Variants in SHTN1 observed in about 807,000 individuals in gnomAD.
The protein encoded by SHTN1 is shootin-1.
SHTN1 carries 42 observed loss-of-function variants against 83.1 expected under a neutral mutation model. That is an observed-to-expected ratio of 0.51 (90% CI 0.39 to 0.65). The LOEUF (loss-of-function observed/expected upper bound fraction) is 0.65. Ranked by LOEUF, SHTN1 falls within the 30% of genes least tolerant of loss-of-function variation. The pLI is 0.00. For synonymous variants in SHTN1, 224 were observed against 247.7 expected, an observed-to-expected ratio of 0.90 and a Z score of 0.90; for missense variants, 622 against 737.8, an observed-to-expected ratio of 0.84 and a Z score of 1.82.
At chr10:116,902,087 T>C (rs1379822380) in intron 15 of SHTN1, 130 bp from the exon 16 acceptor site, 1 of 768,544 alleles carries the variant, frequency 1.3e-6, no homozygotes, top group African/African-American at 1.8e-5. Flanking sequence ...TTCAAGAGCA[T>C]GCTGGAAAAT....
rs1309727410 is a variant in SHTN1 at position 116,881,565 on chromosome 10, G to C, written c.*4779C>G. On this transcript the variant is annotated 3_prime_UTR_variant, in exon 17 of 17. Transcript: ENST00000355371. ...TTACTTTAATGAGGAAGCTGAAAAGGCTGCGGAGGCACTTGAGGCTGCTGC... is the reference window on the plus strand; with the variant it reads ...TTACTTTAATGAGGAAGCTGAAAAGCCTGCGGAGGCACTTGAGGCTGCTGC... 1.3e-6 allele frequency: 2 copies of C among 1,550,162 alleles called. No individual in the cohort carries two copies. The highest frequency in any genetic ancestry group is 1.7e-6 in the Non-Finnish European group (2 of 1,146,832).
At chr10:116,946,947 C>G (rs1347739980) in intron 7 of SHTN1, among the ~76,000 whole-genome samples, 1 of 151,898 alleles carries the variant, frequency 6.6e-6, no homozygotes, top group South Asian at 2.1e-4. Context: ...TCTCAAACTC[C>G]TGATCTCAAG....
intron 1 of SHTN1, among the ~76,000 whole-genome samples, chr10:116,994,111 G>C (rs1195411221): frequency 6.6e-6 from 1 of 152,008 alleles, no homozygotes; most frequent in Non-Finnish European, 1.5e-5. Flanking sequence ...AAGGCTACTA[G>C]AAATAAGAGG....
chr10:116,970,541 C>T (rs1850578775), intron 2 of SHTN1, among the ~76,000 whole-genome samples: 3 of 152,088 alleles, frequency 2.0e-5, no homozygotes, highest in South Asian at 4.2e-4. Context: ...TGGTGAAACC[C>T]CATCTCTACT....
intron 10 of SHTN1, among the ~76,000 whole-genome samples, chr10:116,928,442 G>C (rs533455480): frequency 6.6e-6 from 1 of 152,118 alleles, no homozygotes; most frequent in Non-Finnish European, 1.5e-5. Flanking sequence ...GAAATGTATC[G>C]TATTCCTTCA....
intron 15 of SHTN1, among the ~76,000 whole-genome samples, chr10:116,904,939 C>A (rs529306950): frequency 1.3e-5 from 2 of 151,920 alleles, no homozygotes; most frequent in African/African-American, 2.4e-5. Context: ...CGGTGGCTCA[C>A]GCCTGTAATC....
intron 2 of SHTN1, among the ~76,000 whole-genome samples, chr10:116,975,849 A>G (rs920008631): frequency 6.6e-6 from 1 of 152,236 alleles, no homozygotes; most frequent in Admixed American, 6.5e-5. Context: ...ATGTTTTGAC[A>G]TAAGATTGAT....
At chr10:117,106,342 C>G (rs925000977) in intron 1 of SHTN1, among the ~76,000 whole-genome samples, 5 of 151,924 alleles carry the variant, frequency 3.3e-5, no homozygotes, top group Non-Finnish European at 5.9e-5. Context: ...GTAGTCCCAG[C>G]TACTCGTGAG....
At chr10:117,008,249 G>A (rs180771284), upstream of SHTN1, among the ~76,000 whole-genome samples, 7 of 152,138 alleles carry the variant, frequency 4.6e-5, no homozygotes, top group Admixed American at 2.0e-4. Context: ...AGGTGTGGGG[G>A]TTGGAGTGTG....
At position 117,018,507 on chromosome 10, in the gene SHTN1, TAA is replaced by T. The variant is rs749150327; in HGVS notation, c.-123+29936_-123+29937del. 4.2e-3 allele frequency among the ~76,000 whole-genome samples: 544 copies of T among 129,474 alleles called. 3 individuals are homozygous for T. Among genetic ancestry groups the T allele is most frequent in the South Asian group, 0.024 (94 of 3,892 alleles). 84.9% of individuals were successfully genotyped at this position (129,474 alleles called of 152,430 possible). ...ATAAAGGGTGTATGTGTATTTTTTT[TAA>T]AAAAAAAAAAAAAAGGAAAATATTT... On this transcript the variant is annotated intron_variant, in intron 2 of 17. Coordinates refer to the SHTN1 transcript ENST00000392901.
At chr10:116,898,858 A>AT in intron 16 of SHTN1, among the ~76,000 whole-genome samples, 1 of 152,298 alleles carries the variant, frequency 6.6e-6, no homozygotes, top group Admixed American at 6.5e-5. Context: ...TTGCTTTCTT[A>AT]TAAGTCCCTA....
chr10:117,022,246 T>TA (rs1316917197), intron 2 of SHTN1, among the ~76,000 whole-genome samples: 9 of 152,344 alleles, frequency 5.9e-5, no homozygotes, highest in Admixed American at 5.9e-4. Flanking sequence ...TTTGAGACTG[T>TA]GCAGTTCAAC....
intron 2 of SHTN1, among the ~76,000 whole-genome samples, chr10:117,027,358 G>T (rs7085319): frequency 0.91 from 138,423 of 152,086 alleles, 64,379 homozygotes; most frequent in Non-Finnish European, 1. Flanking sequence ...TGTGGCCACA[G>T]GAAGTGCCAG....
At chr10:117,085,918 A>AT (rs35586223) in intron 1 of SHTN1, among the ~76,000 whole-genome samples, 95,566 of 120,992 alleles carry the variant, frequency 0.79, 40,548 homozygotes, top group Non-Finnish European at 0.92. Flanking sequence ...GCTTTGTCTG[A>AT]TTTTTTTTTT....
chr10:117,111,714 A>G (rs1853770499), intron 1 of SHTN1, among the ~76,000 whole-genome samples: 1 of 151,924 alleles, frequency 6.6e-6, no homozygotes, highest in Non-Finnish European at 1.5e-5. Context: ...TCAAACCCCA[A>G]TTCTTATCCT....
At chr10:116,968,934 TAA>T (rs1589853880) in intron 2 of SHTN1, among the ~76,000 whole-genome samples, 2 of 152,218 alleles carry the variant, frequency 1.3e-5, no homozygotes, top group East Asian at 3.8e-4. Flanking sequence ...TTCTAAGATA[TAA>T]GTCACCTTCC....
intron 1 of SHTN1, among the ~76,000 whole-genome samples, chr10:117,076,780 C>T (rs745633238): frequency 2.6e-5 from 4 of 152,140 alleles, no homozygotes; most frequent in Non-Finnish European, 4.4e-5. Context: ...AAATATGCCT[C>T]GCACTAATTT....
At chr10:116,889,542 C>T (rs1485821192) in intron 16 of SHTN1, among the ~76,000 whole-genome samples, 3 of 152,126 alleles carry the variant, frequency 2.0e-5, no homozygotes, top group African/African-American at 4.8e-5. Context: ...CTAGGGCAAT[C>T]GTCTAGTCTG....
intron 2 of SHTN1, among the ~76,000 whole-genome samples, chr10:117,045,075 G>T (rs1369158121): frequency 6.6e-6 from 1 of 152,136 alleles, no homozygotes; most frequent in Non-Finnish European, 1.5e-5. Context: ...GAGTATTAGT[G>T]CCAAGCCTTT....
Sources: allele counts gnomAD v4.1 joint callset (sites outside exome capture counted in the v4.1 genomes callset), GRCh38; gene constraint gnomAD v4.1.1; transcripts MANE v1.5; gene names NCBI Gene and HGNC (gene_info 2026-07-23, HGNC 2026-07-21).